Variants in TDO2 observed in about 807,000 individuals in gnomAD.
TDO2 encodes the protein tryptamin 2,3-dioxygenase.
In TDO2, 63 loss-of-function variants were observed where a neutral mutation model predicts 61.2. That is an observed-to-expected ratio of 1.03 (90% confidence interval 0.84 to 1.27). TDO2 has a LOEUF of 1.27. Ranked by LOEUF, TDO2 falls within the 50% of genes most tolerant of loss-of-function variation. TDO2 has a pLI of 0.00. For missense variants in TDO2, 494 were observed against 469.5 expected, an observed-to-expected ratio of 1.05 and a Z score of -0.48; for synonymous variants, 183 against 164.0, an observed-to-expected ratio of 1.12 and a Z score of -0.89.
chr4:155,904,941 C>A, intron 2 of TDO2, 126 bp from the exon 3 acceptor site: 1 of 607,692 alleles, frequency 1.6e-6, no homozygotes, highest in Non-Finnish European at 2.9e-6. Context: ...TTAAAAGAAA[C>A]TAGATTGGTT....
rs1743017388 is a variant in TDO2, at chr4:155,920,184, T to G, written c.*194T>G. ...AAGCATTAAGATGAGAAAGAATACA[T>G]TTAAATAGTAACATTGTACATAGGG... On this transcript the variant is annotated 3_prime_UTR_variant, in exon 12 of 12. Transcript: ENST00000536354. 3.5e-6 allele frequency: 2 copies of G among 574,026 alleles called. No individual in the cohort carries two copies. Among genetic ancestry groups the G allele is most frequent in the Non-Finnish European group, 6.0e-6 (2 of 334,000 alleles). The allele number at this position is 574,026 out of a possible 1,614,324, so 35.6% of individuals were successfully genotyped here.
At chr4:155,915,710 C>A in intron 8 of TDO2, 145 bp from the exon 9 acceptor site, 1 of 544,048 alleles carries the variant, frequency 1.8e-6, no homozygotes, top group Non-Finnish European at 3.2e-6. Context: ...ACAAATTCAA[C>A]CTAAGGGATA....
chr4:155,907,910 A>C, intron 4 of TDO2, 118 bp downstream of exon 4: 3 of 695,554 alleles, frequency 4.3e-6, no homozygotes, highest in Non-Finnish European at 7.2e-6. Context: ...ATGATAGAAC[A>C]AACAGACATT....
intron 2 of TDO2, 72 bp downstream of exon 2, chr4:155,904,195 G>A (rs1188150487): frequency 8.9e-7 from 1 of 1,122,050 alleles, no homozygotes; most frequent in East Asian, 2.5e-5. Flanking sequence ...GACTTTTTAT[G>A]ATTTTATTTC....
At position 155,911,508 on chromosome 4, in the gene TDO2, A is replaced by T; in HGVS notation, c.630A>T (p.Glu210Asp). Residue 210 changes from glutamate to aspartate, a missense_variant, in exon 7 of 12, where the codon GAA (glutamate) becomes GAT (aspartate). Physicochemically the swap from Glu to Asp is conservative, Grantham distance 45. Transcript: ENST00000536354. ...TLLELVEAWLERTPGLEPHGF... is the reference protein window; with the variant it reads ...TLLELVEAWLDRTPGLEPHGF... The stretch of plus-strand genomic sequence containing the variant: ...AATGTTTATTTAAGGCATGGCTGGA[A>T]AGAACTCCAGGTTTAGAGCCACATG... The T allele has an allele frequency of 6.2e-7, 1 of 1,605,214 alleles. No individual in the cohort carries two copies. The highest frequency in any genetic ancestry group is 8.5e-7 in the Non-Finnish European group (1 of 1,175,364).
At position 155,910,252 on chromosome 4, in the gene TDO2, C is replaced by A. The variant is rs745569234; in HGVS notation, c.618+41C>A. The A allele has an allele frequency of 2.1e-6, 3 of 1,452,786 alleles. No homozygotes were observed. In the East Asian group the frequency reaches 8.1e-5, roughly 39 times the overall value. The allele number at this position is 1,452,786 out of a possible 1,614,324, so 90.0% of individuals were successfully genotyped here. Reference sequence around the variant, plus strand: ...ATTTATAAAGTTTAACTCAATACATCTTCTTAATTTAGCTTTTGCTAAATC... The same window carrying A: ...ATTTATAAAGTTTAACTCAATACATATTCTTAATTTAGCTTTTGCTAAATC... On this transcript the variant is annotated intron_variant, in intron 6 of 11. Coordinates refer to ENST00000536354, the MANE Select transcript of TDO2 (RefSeq NM_005651.4).
intron 1 of TDO2, 21 bp downstream of exon 1, chr4:155,903,814 T>C (rs765653357): frequency 6.2e-7 from 1 of 1,614,050 alleles, no homozygotes; most frequent in South Asian, 1.1e-5. Context: ...ACCTTTATTC[T>C]AAGTGGGTTT....
intron 9 of TDO2, 103 bp from the exon 10 acceptor site, chr4:155,917,292 C>T (rs1742957993): frequency 2.2e-6 from 2 of 889,946 alleles, no homozygotes; most frequent in African/African-American, 3.4e-5. Flanking sequence ...ACAGGCAAAG[C>T]TGACATTTGT....
intron 4 of TDO2, 143 bp from the exon 5 acceptor site, chr4:155,908,744 A>G (rs1444208213): frequency 8.0e-6 from 8 of 1,000,202 alleles, no homozygotes; most frequent in Non-Finnish European, 1.1e-5. Context: ...GAACTGTTAT[A>G]TACTCTTTGC....
rs1382276663 is a variant in TDO2 at position 155,917,388 on chromosome 4, C to G, written c.897-7C>G. ...ATATTCTTCTTTTTCTTCTTTTTTT[C>G]CTTTAGGGAAGAGCCTAGGTTCCAG... On this transcript the variant is annotated splice_region_variant and splice_polypyrimidine_tract_variant and intron_variant, in intron 9 of 11. Transcript: ENST00000536354. The G allele has an allele frequency of 6.3e-7, 1 of 1,599,412 alleles. No homozygotes were observed. The highest frequency in any genetic ancestry group is 8.5e-7 in the Non-Finnish European group (1 of 1,174,570).
chr4:155,915,719 T>TA (rs1415570195), intron 8 of TDO2, 136 bp from the exon 9 acceptor site: 3 of 588,816 alleles, frequency 5.1e-6, no homozygotes, highest in African/African-American at 3.9e-5. Flanking sequence ...ACCTAAGGGA[T>TA]AAAAAATGTA....
At position 155,915,803 on chromosome 4, in the gene TDO2, C is replaced by T. The variant is rs774997322; in HGVS notation, c.839-52C>T. 2.0e-5 allele frequency: 30 copies of T among 1,504,122 alleles called. No homozygotes were observed. In the African/African-American group the frequency reaches 3.7e-4, roughly 18 times the overall value. 93.2% of individuals were successfully genotyped at this position (1,504,122 alleles called of 1,614,324 possible). ...TTAAGATGACGATGCCAAATTAATACAAAATTACCTTAAATGACCTAAAAA... is the reference window on the plus strand; with the variant it reads ...TTAAGATGACGATGCCAAATTAATATAAAATTACCTTAAATGACCTAAAAA... On this transcript the variant is annotated intron_variant, in intron 8 of 11. Coordinates refer to ENST00000536354, the MANE Select transcript of TDO2 (RefSeq NM_005651.4).
intron 9 of TDO2, among the ~76,000 whole-genome samples, chr4:155,916,186 G>C (rs1180166628): frequency 2.2e-5 from 1 of 44,908 alleles, no homozygotes; most frequent in Non-Finnish European, 4.7e-5. Flanking sequence ...TTTTTTTTTT[G>C]AGACGGAGTC....
chr4:155,908,173 GAGA>G (rs986181305), intron 4 of TDO2, among the ~76,000 whole-genome samples: 1 of 152,096 alleles, frequency 6.6e-6, no homozygotes, highest in Non-Finnish European at 1.5e-5. Flanking sequence ...GAAAAAGGAA[GAGA>G]AGGAGGCAGT....
rs781171091 is a variant in TDO2, at chr4:155,918,151, A to G, written c.979A>G (p.Asn327Asp). ...IDSLMTKWRY[N>D]HVCMVHRMLG... ...AGTAAATTTGTATGTTTGCCTAGAT[A>G]ACCATGTGTGCATGGTGCACAGAAT... The change falls in exon 11 of 12, where the codon AAC (asparagine) becomes GAC (aspartate). Residue 327 changes from asparagine to aspartate, a missense_variant and splice_region_variant. Asn to Asp is a conservative substitution (Grantham distance 23). Transcript: ENST00000536354. The G allele has an allele frequency of 6.2e-7, 1 of 1,613,204 alleles. No individual in the cohort carries two copies. Among genetic ancestry groups the G allele is most frequent in the Non-Finnish European group, 8.5e-7 (1 of 1,179,602 alleles).
intron 9 of TDO2, among the ~76,000 whole-genome samples, chr4:155,916,756 C>T (rs958826397): frequency 3.9e-5 from 6 of 152,012 alleles, no homozygotes; most frequent in Admixed American, 6.6e-5. Flanking sequence ...AAACATCACA[C>T]TAGTAAAAAA....
intron 2 of TDO2, among the ~76,000 whole-genome samples, chr4:155,904,825 A>T (rs1257685229): frequency 6.6e-6 from 1 of 152,180 alleles, no homozygotes; most frequent in East Asian, 1.9e-4. Flanking sequence ...TGTCTCAAAG[A>T]GCTTAATAGG....
intron 8 of TDO2, 149 bp downstream of exon 8, chr4:155,914,583 T>C (rs1742896397): frequency 5.0e-6 from 3 of 595,274 alleles, no homozygotes; most frequent in Non-Finnish European, 5.5e-6. Flanking sequence ...GTAAATGTTT[T>C]TGGTGATAAA....
intron 7 of TDO2, among the ~76,000 whole-genome samples, chr4:155,914,014 A>G (rs1742885985): frequency 6.6e-6 from 1 of 152,094 alleles, no homozygotes; most frequent in African/African-American, 2.4e-5. Flanking sequence ...GTTTAAAATT[A>G]TATCATTATT....
Sources: allele counts gnomAD v4.1 joint callset (sites outside exome capture counted in the v4.1 genomes callset), GRCh38; gene constraint gnomAD v4.1.1; transcripts MANE v1.5; gene names NCBI Gene and HGNC (gene_info 2026-07-23, HGNC 2026-07-21).